PPP6C: variants seen among roughly 807,000 people sequenced by gnomAD.
PPP6C encodes the protein serine/threonine-protein phosphatase 6 catalytic subunit.
PPP6C carries 11 observed loss-of-function variants against 39.8 expected under a neutral mutation model. The observed-to-expected ratio is 0.28, with a 90% CI of 0.17 to 0.46. The LOEUF is 0.46. Among genes scored for constraint, PPP6C ranks in the 20% least tolerant of loss-of-function variants. PPP6C has a pLI of 1.00. For missense variants in PPP6C, 211 were observed against 373.9 expected (o/e 0.56, Z 3.59); for synonymous variants, 129 against 130.3 (o/e 0.99, Z 0.07).
chr9:125,150,421 G>GGTGTGTGTGTGT (rs113973939), intron 6 of PPP6C, among the ~76,000 whole-genome samples: 14,403 of 149,858 alleles, frequency 0.096, 900 homozygotes, highest in Non-Finnish European at 0.14. Flanking sequence ...CAATATAAGG[G>GGTGTGTGTGTGT]GTGTGTGTGT....
chr9:125,189,743 C>T lies in PPP6C; in HGVS notation c.-25G>A, dbSNP rs1357167025. On this transcript the variant is annotated 5_prime_UTR_variant, in exon 1 of 7. Coordinates refer to ENST00000373547, the MANE Select transcript of PPP6C (RefSeq NM_002721.5). ...TTTTAAGAATAACAAGCCGCGGCAA[C>T]AGCGGCGGCGGCGGCTGTAGCAGCG... 1.3e-6 allele frequency: 2 copies of T among 1,562,284 alleles called. No individual in the cohort carries two copies. The highest frequency in any genetic ancestry group is 8.6e-7 in the Non-Finnish European group (1 of 1,158,944).
intron 2 of PPP6C, among the ~76,000 whole-genome samples, chr9:125,162,848 C>T (rs1372999161): frequency 6.6e-6 from 1 of 150,918 alleles, no homozygotes; most frequent in Non-Finnish European, 1.5e-5. Context: ...GAGGCCGAGG[C>T]GGGTGGATCA....
At chr9:125,150,512 C>G (rs1208018882) in intron 6 of PPP6C, 1 of 423,966 alleles carries the variant, frequency 2.4e-6, no homozygotes, top group Non-Finnish European at 4.6e-6. Flanking sequence ...GTTGAAAGTT[C>G]AAAGTACTGC....
rs368637597 is a variant in PPP6C, at chr9:125,158,401, C to G, written c.238-19G>C. ...AATCACCCTGTGAAGTAAAAGTTTA[C>G]AGTTACAAACAATACAATAGCCACA... On this transcript the variant is annotated intron_variant, in intron 3 of 6. Transcript: ENST00000373547. 19 of 1,607,584 alleles carry G rather than the reference C, an allele frequency of 1.2e-5. No homozygotes were observed. The African/African-American group carries it at 2.4e-4, about 20-fold the overall frequency.
chr9:125,170,990 T>C (rs1390245853), intron 2 of PPP6C, 95 bp downstream of exon 2: 2 of 762,664 alleles, frequency 2.6e-6, no homozygotes, highest in Non-Finnish European at 3.9e-6. Flanking sequence ...GTTGTGTTTG[T>C]TGATGTTGTT....
chr9:125,164,972 C>T (rs1828980701), intron 2 of PPP6C, among the ~76,000 whole-genome samples: 1 of 151,588 alleles, frequency 6.6e-6, no homozygotes, highest in African/African-American at 2.4e-5. Flanking sequence ...CTCTTGACCT[C>T]GTGATCCGCC....
rs913070660 is a variant in PPP6C, at chr9:125,168,779, C to A, written c.171+2306G>T. Reference sequence around the variant, plus strand: ...GCTTATTTTTTATTTTTTATTTTTTCGAGACAGAGTCTCACTCTATTGCCC... The same window carrying A: ...GCTTATTTTTTATTTTTTATTTTTTAGAGACAGAGTCTCACTCTATTGCCC... On this transcript the variant is annotated intron_variant, in intron 2 of 6. Transcript: ENST00000373547. 4.6e-5 allele frequency among the ~76,000 whole-genome samples: 6 copies of A among 129,506 alleles called. No homozygotes were observed. The South Asian group carries it at 1.3e-3, about 27-fold the overall frequency. 85.0% of individuals were successfully genotyped at this position (129,506 alleles called of 152,430 possible).
intron 2 of PPP6C, among the ~76,000 whole-genome samples, chr9:125,167,764 C>T (rs551380158): frequency 1.6e-4 from 24 of 145,988 alleles, no homozygotes; most frequent in Admixed American, 1.2e-3. Context: ...CAGTGGCTCA[C>T]GCCTGTAATC....
rs758246874 is a variant in PPP6C at position 125,180,562 on chromosome 9, C to T, written c.75+9082G>A. 5.3e-5 allele frequency among the ~76,000 whole-genome samples: 8 copies of T among 152,050 alleles called. No homozygotes were observed. In the East Asian group the frequency reaches 1.2e-3, roughly 22 times the overall value. On this transcript the variant is annotated intron_variant, in intron 1 of 6. Transcript: ENST00000373547. ...CTCAGCCCCCCAGTAGCTGGGATTACGGCACACGCCACCATGCCTGGTTAA... is the reference window on the plus strand; with the variant it reads ...CTCAGCCCCCCAGTAGCTGGGATTATGGCACACGCCACCATGCCTGGTTAA...
chr9:125,165,794 G>GTTTTTTTT (rs1828999387), intron 2 of PPP6C, among the ~76,000 whole-genome samples: 2 of 84,862 alleles, frequency 2.4e-5, no homozygotes, highest in African/African-American at 9.8e-5. Context: ...GTAATCTTTT[G>GTTTTTTTT]CTTTTTTTTT....
At chr9:125,159,275 C>G (rs1368560818) in intron 3 of PPP6C, among the ~76,000 whole-genome samples, 1 of 149,994 alleles carries the variant, frequency 6.7e-6, no homozygotes, top group East Asian at 2.0e-4. Flanking sequence ...TCTCAAACTC[C>G]TGACCTCAGG....
intron 1 of PPP6C, among the ~76,000 whole-genome samples, chr9:125,182,481 G>C (rs1829439578): frequency 6.6e-6 from 1 of 152,010 alleles, no homozygotes; most frequent in South Asian, 2.1e-4. Flanking sequence ...ATCTCAACTA[G>C]CTAGCTAAGT....
chr9:125,169,257 G>A (rs1302595703), intron 2 of PPP6C, among the ~76,000 whole-genome samples: 1 of 152,158 alleles, frequency 6.6e-6, no homozygotes, highest in Non-Finnish European at 1.5e-5. Flanking sequence ...CTATCTCACA[G>A]GACTTTGGGA....
chr9:125,150,037 G>A (rs7869453), intron 6 of PPP6C, 116 bp from the exon 7 acceptor site: 584,278 of 1,297,688 alleles, frequency 0.45, 133,539 homozygotes, highest in East Asian at 0.53. Flanking sequence ...ATTATAGAAC[G>A]CACTCTATAA....
At chr9:125,164,250 G>A (rs557591814) in intron 2 of PPP6C, among the ~76,000 whole-genome samples, 5 of 114,994 alleles carry the variant, frequency 4.3e-5, no homozygotes, top group East Asian at 2.9e-4. Context: ...TTTTTGAGAC[G>A]GAGTCTCAGT....
intron 2 of PPP6C, 143 bp from the exon 3 acceptor site, chr9:125,161,049 C>T: frequency 2.1e-6 from 1 of 481,924 alleles, no homozygotes; most frequent in South Asian, 3.9e-5. Context: ...AGCCAAACTG[C>T]CAAGCACACA....
chr9:125,149,481 T>C lies in PPP6C; in HGVS notation c.*192A>G, dbSNP rs1381735945. 3.5e-5 allele frequency: 23 copies of C among 650,150 alleles called. 1 individual carries two copies. Among genetic ancestry groups the C allele is most frequent in the South Asian group, 2.9e-4 (9 of 31,314 alleles). 40.3% of individuals were successfully genotyped at this position (650,150 alleles called of 1,614,324 possible). On this transcript the variant is annotated 3_prime_UTR_variant, in exon 7 of 7. Transcript: ENST00000373547. ...AGGGTGGGGATGGGATGGGGGAAAA[T>C]TGATAGAAAAACTTTGCTATAGACA...
chr9:125,171,480 T>C (rs7872829), intron 1 of PPP6C, among the ~76,000 whole-genome samples: 2,810 of 21,190 alleles, frequency 0.13, 22 homozygotes, highest in East Asian at 0.21. Context: ...CACACACACA[T>C]ATATATATAT....
intron 1 of PPP6C, among the ~76,000 whole-genome samples, chr9:125,185,845 G>A (rs1053913558): frequency 2.0e-5 from 3 of 151,440 alleles, no homozygotes; most frequent in Non-Finnish European, 4.4e-5. Context: ...TTAACTGGGC[G>A]TGGTGGCACA....
Sources: gnomAD v4.1 joint callset for allele counts (sites outside exome capture counted in the v4.1 genomes callset) on GRCh38, gnomAD v4.1.1 for gene constraint, MANE v1.5 for transcripts, NCBI Gene and HGNC (gene_info 2026-07-23, HGNC 2026-07-21) for gene names.